LRRTM4: variants seen among roughly 807,000 people sequenced by gnomAD.
LRRTM4 encodes the protein leucine rich repeat transmembrane neuronal 4, also known as leucine-rich repeat transmembrane neuronal protein 4.
A neutral mutation model predicts 47.6 loss-of-function variants in LRRTM4; 25 were observed. That is an observed-to-expected ratio of 0.53 (90% CI 0.38 to 0.73). The LOEUF is 0.73. Among genes scored for constraint, LRRTM4 ranks in the 30% least tolerant of loss-of-function variants. The pLI is 0.00. For missense variants in LRRTM4, 638 were observed against 713.4 expected (o/e 0.89, Z 1.20); for synonymous variants, 311 against 269.5 (o/e 1.15, Z -1.51).
chr2:77,049,417 C>T (rs1679352281), intron 3 of LRRTM4, among the ~76,000 whole-genome samples: 1 of 151,562 alleles, frequency 6.6e-6, no homozygotes, highest in South Asian at 2.1e-4. Context: ...TTCCCACCAA[C>T]AGTGTATAAG....
rs142302422 is a variant in LRRTM4 at position 77,328,683 on chromosome 2, G to A, written c.1551+189635C>T. 5.7e-3 allele frequency among the ~76,000 whole-genome samples: 875 copies of A among 152,222 alleles called. 12 individuals carry two copies. Among genetic ancestry groups the A allele is most frequent in the Non-Finnish European group, 5.6e-3 (380 of 68,020 alleles). On this transcript the variant is annotated intron_variant, in intron 3 of 3. Transcript: ENST00000409884. Reference sequence around the variant, plus strand: ...CCTGGGGGAGAGTGCAGTGAGCTACGATCTATGGTTTACAAGTGCTGTCGT... The same window carrying A: ...CCTGGGGGAGAGTGCAGTGAGCTACAATCTATGGTTTACAAGTGCTGTCGT...
chr2:77,276,686 CATATATATATATATATATATAT>C (rs3980215), intron 3 of LRRTM4, among the ~76,000 whole-genome samples: 4,187 of 71,756 alleles, frequency 0.058, 392 homozygotes, highest in African/African-American at 0.17. Context: ...TTTGTGTACG[CATATATATATATATATATATAT>C]ATATATATAT....
intron 3 of LRRTM4, among the ~76,000 whole-genome samples, chr2:77,355,426 C>A (rs1481936826): frequency 6.6e-6 from 1 of 151,936 alleles, no homozygotes; most frequent in African/African-American, 2.4e-5. Context: ...AGTAAAGTAT[C>A]CATATTGAAA....
At chr2:76,970,147 CATG>C (rs1027997466) in intron 3 of LRRTM4, among the ~76,000 whole-genome samples, 1 of 151,940 alleles carries the variant, frequency 6.6e-6, no homozygotes, top group Non-Finnish European at 1.5e-5. Context: ...ATCTTCCTTC[CATG>C]ATATGTAAAA....
intron 3 of LRRTM4, among the ~76,000 whole-genome samples, chr2:76,997,324 A>G (rs781687675): frequency 2.0e-5 from 3 of 148,584 alleles, no homozygotes; most frequent in Non-Finnish European, 4.4e-5. Flanking sequence ...ATGTTGGTGT[A>G]CCTACCAGTA....
intron 3 of LRRTM4, among the ~76,000 whole-genome samples, chr2:77,277,427 A>C (rs1451609015): frequency 6.6e-6 from 1 of 152,082 alleles, no homozygotes; most frequent in East Asian, 1.9e-4. Context: ...AGTTATAAAA[A>C]ATAGAGATTA....
At chr2:77,339,341 C>T (rs1434422006) in intron 3 of LRRTM4, among the ~76,000 whole-genome samples, 1 of 151,924 alleles carries the variant, frequency 6.6e-6, no homozygotes, top group African/African-American at 2.4e-5. Flanking sequence ...TCTAAAAATA[C>T]TTTAAATATA....
intron 3 of LRRTM4, among the ~76,000 whole-genome samples, chr2:76,885,710 CCG>C (rs1360346044): frequency 6.6e-6 from 1 of 152,018 alleles, no homozygotes; most frequent in Non-Finnish European, 1.5e-5. Flanking sequence ...CGTGATCCGC[CCG>C]CCTCGGCCTC....
chr2:77,349,525 A>G (rs1671684431), intron 3 of LRRTM4, among the ~76,000 whole-genome samples: 1 of 152,104 alleles, frequency 6.6e-6, no homozygotes, highest in African/African-American at 2.4e-5. Flanking sequence ...CTATGAAGGT[A>G]ACTGTTAGAG....
chr2:77,232,411 C>A (rs909166280), intron 3 of LRRTM4, among the ~76,000 whole-genome samples: 1 of 152,188 alleles, frequency 6.6e-6, no homozygotes, highest in African/African-American at 2.4e-5. Context: ...AGTGTGACGT[C>A]CACAGGGCAA....
intron 3 of LRRTM4, among the ~76,000 whole-genome samples, chr2:77,186,636 C>A (rs146667013): frequency 1.2e-3 from 188 of 152,170 alleles, no homozygotes; most frequent in Admixed American, 3.5e-3. Flanking sequence ...CATATAATGT[C>A]ATAAAAAGGA....
At chr2:76,762,073 C>T (rs993137584) in intron 3 of LRRTM4, among the ~76,000 whole-genome samples, 8 of 152,102 alleles carry the variant, frequency 5.3e-5, no homozygotes, top group Admixed American at 1.3e-4. Flanking sequence ...CAACTACAGC[C>T]GCTACCCATG....
At chr2:76,759,595 T>C (rs751332528) in intron 3 of LRRTM4, among the ~76,000 whole-genome samples, 4 of 152,136 alleles carry the variant, frequency 2.6e-5, no homozygotes, top group Non-Finnish European at 5.9e-5. Flanking sequence ...ACGAGTTATC[T>C]AATCATAAAC....
intron 3 of LRRTM4, among the ~76,000 whole-genome samples, chr2:76,830,718 T>A (rs1671326717): frequency 1.3e-5 from 2 of 152,026 alleles, no homozygotes; most frequent in Non-Finnish European, 1.5e-5. Context: ...AATAATGTTA[T>A]AAATTAACAC....
chr2:76,871,714 T>G (rs528338801), intron 3 of LRRTM4, among the ~76,000 whole-genome samples: 1 of 152,316 alleles, frequency 6.6e-6, no homozygotes, highest in East Asian at 1.9e-4. Flanking sequence ...TGTTGCTGTA[T>G]TACATACAAT....
At chr2:76,886,692 A>G (rs1243732703) in intron 3 of LRRTM4, among the ~76,000 whole-genome samples, 3 of 151,924 alleles carry the variant, frequency 2.0e-5, no homozygotes, top group African/African-American at 4.8e-5. Context: ...CATATTTTTA[A>G]GAATAACCAC....
At chr2:76,969,786 C>G (rs1161034685) in intron 3 of LRRTM4, among the ~76,000 whole-genome samples, 1 of 151,902 alleles carries the variant, frequency 6.6e-6, no homozygotes, top group Non-Finnish European at 1.5e-5. Flanking sequence ...CCAATGTTAT[C>G]TTCATTAAAC....
intron 3 of LRRTM4, among the ~76,000 whole-genome samples, chr2:77,460,066 G>A (rs1276375211): frequency 1.3e-5 from 2 of 151,628 alleles, no homozygotes; most frequent in African/African-American, 2.4e-5. Context: ...ATTCCATGCT[G>A]CATTCACCAC....
intron 3 of LRRTM4, among the ~76,000 whole-genome samples, chr2:77,150,010 T>C (rs375233938): frequency 6.6e-6 from 1 of 152,150 alleles, no homozygotes; most frequent in African/African-American, 2.4e-5. Flanking sequence ...TTATTCCTCA[T>C]TAATTTGTAC....
Sources: gnomAD v4.1 joint callset for allele counts (sites outside exome capture counted in the v4.1 genomes callset) on GRCh38, gnomAD v4.1.1 for gene constraint, MANE v1.5 for transcripts, NCBI Gene and HGNC (gene_info 2026-07-23, HGNC 2026-07-21) for gene names.